The following UTRN variants were observed in gnomAD, a reference collection of about 807,000 sequenced individuals.
UTRN encodes dystrophin-related protein 1.
UTRN carries 283 observed loss-of-function variants against 463.9 expected under a neutral mutation model. The ratio of observed to expected loss-of-function variants is 0.61; its 90% CI spans 0.55 to 0.67. UTRN has a LOEUF of 0.67. Ranked by LOEUF, UTRN falls within the 30% of genes least tolerant of loss-of-function variation. UTRN has a pLI of 0.00. For missense variants in UTRN, 3,922 were observed against 4,084.3 expected, an observed-to-expected ratio of 0.96 and a Z score of 1.08; for synonymous variants, 1,442 against 1,431.5, an observed-to-expected ratio of 1.01 and a Z score of -0.17.
At chr6:144,567,118 G>A (rs1800478471) in intron 50 of UTRN, among the ~76,000 whole-genome samples, 1 of 152,130 alleles carries the variant, frequency 6.6e-6, no homozygotes, top group African/African-American at 2.4e-5. Flanking sequence ...CTGCACTCCA[G>A]CCTTGGCGAC....
intron 52 of UTRN, among the ~76,000 whole-genome samples, chr6:144,682,015 A>T (rs373657026): frequency 3.9e-5 from 6 of 152,260 alleles, no homozygotes; most frequent in African/African-American, 1.2e-4. Context: ...TAGTTATTTT[A>T]AAATGTACAA....
chr6:144,780,560 A>C (rs1307948238), intron 60 of UTRN, among the ~76,000 whole-genome samples: 2 of 152,212 alleles, frequency 1.3e-5, no homozygotes, highest in Admixed American at 1.3e-4. Flanking sequence ...TCCACACTCA[A>C]TAAATGTATA....
At chr6:144,678,800 C>A (rs1781913969) in intron 52 of UTRN, among the ~76,000 whole-genome samples, 1 of 152,124 alleles carries the variant, frequency 6.6e-6, no homozygotes, top group South Asian at 2.1e-4. Flanking sequence ...CATAAATGTT[C>A]ATATATTTTA....
At chr6:144,822,983 A>C (rs1196486938) in intron 66 of UTRN, among the ~76,000 whole-genome samples, 3 of 152,118 alleles carry the variant, frequency 2.0e-5, no homozygotes, top group African/African-American at 7.2e-5. Flanking sequence ...ATACTCCTTT[A>C]AAACATTTTT....
intron 2 of UTRN, among the ~76,000 whole-genome samples, chr6:144,391,837 T>C (rs1781960567): frequency 6.6e-6 from 1 of 152,236 alleles, no homozygotes; most frequent in Admixed American, 6.5e-5. Context: ...AATACAGGGT[T>C]TCACCTGTTA....
chr6:144,492,644 AT>A (rs1793178249), intron 32 of UTRN, among the ~76,000 whole-genome samples: 1 of 152,188 alleles, frequency 6.6e-6, no homozygotes, highest in Non-Finnish European at 1.5e-5. Flanking sequence ...CCAACAGTGT[AT>A]GGTGTTCCCT....
intron 2 of UTRN, among the ~76,000 whole-genome samples, chr6:144,326,325 C>T (rs1223169151): frequency 1.3e-5 from 2 of 151,112 alleles, no homozygotes; most frequent in South Asian, 2.1e-4. Context: ...TTTTAGTAGC[C>T]CTCTTTTCTC....
chr6:144,653,759 T>C (rs969419837), intron 51 of UTRN, among the ~76,000 whole-genome samples: 1 of 152,162 alleles, frequency 6.6e-6, no homozygotes, highest in Non-Finnish European at 1.5e-5. Context: ...TCTGTACACA[T>C]GTTTGCAAAT....
chr6:144,791,540 T>C (rs976262035), intron 62 of UTRN, among the ~76,000 whole-genome samples: 1 of 151,328 alleles, frequency 6.6e-6, no homozygotes, highest in African/African-American at 2.4e-5. Flanking sequence ...ACCACCACAC[T>C]TCCAGCCTGG....
At chr6:144,418,526 A>G (rs1009996404) in intron 3 of UTRN, among the ~76,000 whole-genome samples, 1 of 147,230 alleles carries the variant, frequency 6.8e-6, no homozygotes, top group Non-Finnish European at 1.5e-5. Flanking sequence ...CCAGGCCTGT[A>G]TTTCTTTTAT....
Position 144,516,380 on chromosome 6 carries a change from A to T in UTRN, c.5396A>T (p.Asp1799Val), listed in dbSNP as rs1366201405. 1.9e-6 allele frequency: 3 copies of T among 1,612,704 alleles called. No homozygotes were observed. In the Admixed American group the frequency reaches 5.0e-5, roughly 27 times the overall value. ...AAACACTTGGAATCCAGTGATGAAG[A>T]TGAAAAGGTTGGTTCAAGGAGATTT... ...VEKHLESSDEDEKMDEESAQI... is the reference protein window; with the variant it reads ...VEKHLESSDEVEKMDEESAQI... Residue 1799 changes from aspartate (D) to valine (V), a missense_variant, in exon 38 of 75, where the codon GAT becomes GTT. By Grantham distance (152) the Asp-to-Val change is radical. Transcript: ENST00000367545.
In UTRN at chr6:144,487,531, T is replaced by C. The variant is rs563014058; in HGVS notation, c.3823-17T>C. 1.9e-6 allele frequency: 3 copies of C among 1,573,592 alleles called. No individual in the cohort carries two copies. Among genetic ancestry groups the C allele is most frequent in the African/African-American group, 1.4e-5 (1 of 73,710 alleles). On this transcript the variant is annotated splice_polypyrimidine_tract_variant and intron_variant, in intron 28 of 74. Transcript: ENST00000367545. ...TAGTAAATGCATTATTATTTTTTTT[T>C]CCCATCTCCATTCCAGTCTCTGGAA...
At chr6:144,797,620 G>A in intron 63 of UTRN, 1 of 465,128 alleles carries the variant, frequency 2.1e-6, no homozygotes, top group Non-Finnish European at 3.6e-6. Context: ...TTCTTCCTAT[G>A]TGACAATTTC....
At chr6:144,289,943 C>T (rs985839651) in intron 1 of UTRN, among the ~76,000 whole-genome samples, 9 of 151,666 alleles carry the variant, frequency 5.9e-5, no homozygotes, top group African/African-American at 2.2e-4. Flanking sequence ...CGTGAGCCAC[C>T]TTGCCCGGCC....
chr6:144,583,193 A>C (rs559940539), intron 51 of UTRN: 18 of 305,912 alleles, frequency 5.9e-5, no homozygotes, highest in Non-Finnish European at 9.5e-5. Context: ...CGCAGCCGGC[A>C]GCGCTTGGCT....
intron 2 of UTRN, among the ~76,000 whole-genome samples, chr6:144,373,780 C>A (rs918258102): frequency 1.3e-5 from 2 of 152,204 alleles, no homozygotes; most frequent in Admixed American, 1.3e-4. Flanking sequence ...CTGCTGTCAT[C>A]ATTTTCATTG....
At chr6:144,678,286 C>T (rs1456772762) in intron 51 of UTRN, 120 bp from the exon 52 acceptor site, 1 of 959,692 alleles carries the variant, frequency 1.0e-6, no homozygotes, top group Admixed American at 2.9e-5. Flanking sequence ...TTTGGAAGCA[C>T]TTGAATTTCT....
intron 6 of UTRN, 33 bp from the exon 7 acceptor site, chr6:144,426,254 T>C: frequency 6.3e-7 from 1 of 1,578,946 alleles, no homozygotes; most frequent in Non-Finnish European, 8.6e-7. Flanking sequence ...ACTGAAGTAT[T>C]AGTTATGGAC....
At chr6:144,790,229 T>C (rs1394253247) in intron 62 of UTRN, among the ~76,000 whole-genome samples, 1 of 152,202 alleles carries the variant, frequency 6.6e-6, no homozygotes, top group Non-Finnish European at 1.5e-5. Context: ...TTTATTTTTG[T>C]CCATAAAATG....
Sources: allele counts gnomAD v4.1 joint callset (sites outside exome capture counted in the v4.1 genomes callset), GRCh38; gene constraint gnomAD v4.1.1; transcripts MANE v1.5; gene names NCBI Gene and HGNC (gene_info 2026-07-23, HGNC 2026-07-21).